The following PGBD1 variants were observed in gnomAD, a reference collection of about 807,000 sequenced individuals.
PGBD1 encodes the protein piggyBac transposable element-derived protein 1.
In PGBD1, 25 loss-of-function variants were observed where a neutral mutation model predicts 34.7. The observed-to-expected ratio is 0.72, with a 90% CI of 0.52 to 1.00. PGBD1 has a LOEUF of 1.00. PGBD1 is among the 50% of genes least tolerant of loss of function. PGBD1 has a pLI of 0.00. For missense variants in PGBD1, 830 were observed against 959.4 expected, an observed-to-expected ratio of 0.87 and a Z score of 1.78; for synonymous variants, 292 against 335.7, an observed-to-expected ratio of 0.87 and a Z score of 1.42.
Position 28,301,982 on chromosome 6 carries a change from G to T in PGBD1, c.2128G>T (p.Val710Leu). ...TGTGGGCATAGAACCAGTCAATGAGGTAAGCTGTTGTGATGCTGATAACGA... is the reference window on the plus strand; with the variant it reads ...TGTGGGCATAGAACCAGTCAATGAGTTAAGCTGTTGTGATGCTGATAACGA... ...NAVGIEPVNE[V>L]SCCDADNEEI... The change falls in exon 7 of 7, where the codon GTA becomes TTA. Residue 710 changes from valine (V) to leucine (L), a missense_variant. Transcript: ENST00000682144. 5 of 1,614,200 alleles carry T rather than the reference G, an allele frequency of 3.1e-6. No homozygotes were observed. The highest frequency in any genetic ancestry group is 4.2e-6 in the Non-Finnish European group (5 of 1,180,034).
In PGBD1 at chr6:28,302,160, T is replaced by C; in HGVS notation, c.2306T>C (p.Val769Ala). Reference sequence around the variant, plus strand: ...ATTTTGGTGAGCTACATGATTGATGTAGCCATGAACAATGCATGGCAACTA... The same window carrying C: ...ATTTTGGTGAGCTACATGATTGATGCAGCCATGAACAATGCATGGCAACTA... Reference protein sequence around the residue: ...YSILVSYMIDVAMNNAWQLHR... With the variant: ...YSILVSYMIDAAMNNAWQLHR... Residue 769 changes from valine to alanine, a missense_variant, in exon 7 of 7, where the codon GTA (valine) becomes GCA (alanine). By Grantham distance (64) the Val-to-Ala change is moderately conservative (BLOSUM62 0). This residue lies in a region of PGBD1 where 372 missense variants were observed against 427.9 expected (regional missense o/e 0.87). Transcript: ENST00000682144. The C allele has an allele frequency of 6.2e-7, 1 of 1,614,158 alleles. No individual in the cohort carries two copies. Among genetic ancestry groups the C allele is most frequent in the South Asian group, 1.1e-5 (1 of 91,086 alleles).
intron 2 of PGBD1, among the ~76,000 whole-genome samples, chr6:28,284,907 A>G (rs1032225023): frequency 1.3e-5 from 2 of 152,216 alleles, no homozygotes; most frequent in African/African-American, 4.8e-5. Context: ...AACTTACGAT[A>G]CTATCATATA....
intron 4 of PGBD1, among the ~76,000 whole-genome samples, chr6:28,292,954 C>G (rs933402774): frequency 1.3e-5 from 2 of 151,700 alleles, no homozygotes; most frequent in African/African-American, 4.8e-5. Context: ...TTTTCTTTTT[C>G]TTTCTTTTTG....
At chr6:28,283,608 T>C in intron 1 of PGBD1, 168 bp from the exon 2 acceptor site, 1 of 560,226 alleles carries the variant, frequency 1.8e-6, no homozygotes, top group Non-Finnish European at 3.0e-6. Flanking sequence ...TAGTTCAAAA[T>C]ATACTTCTGA....
At chr6:28,298,694 G>A (rs1762732226) in intron 6 of PGBD1, among the ~76,000 whole-genome samples, 2 of 152,138 alleles carry the variant, frequency 1.3e-5, no homozygotes, top group African/African-American at 4.8e-5. Flanking sequence ...TGACAGTGGT[G>A]TGTGCTTCAT....
At chr6:28,287,671 T>G (rs936332227) in intron 4 of PGBD1, among the ~76,000 whole-genome samples, 12 of 152,170 alleles carry the variant, frequency 7.9e-5, no homozygotes, top group African/African-American at 2.9e-4. Context: ...AGTGGTTCAT[T>G]CATTTTCCTA....
chr6:28,288,623 TG>T (rs199521383), intron 4 of PGBD1, among the ~76,000 whole-genome samples: 1,724 of 152,062 alleles, frequency 0.011, 39 homozygotes, highest in Non-Finnish European at 0.011. Context: ...TGGGAGGCCA[TG>T]GCAGGAGGAT....
In PGBD1 at chr6:28,302,483, A is replaced by G; in HGVS notation, c.*199A>G. 3.5e-6 allele frequency: 2 copies of G among 567,782 alleles called. No homozygotes were observed. Among genetic ancestry groups the G allele is most frequent in the South Asian group, 6.0e-5 (2 of 33,324 alleles). The allele number at this position is 567,782 out of a possible 1,614,324, so 35.2% of individuals were successfully genotyped here. ...TAAAAATTGTCTGTGAGAATGTTGA[A>G]CTGTAGTACCTTTCTCTATGTCAAG... On this transcript the variant is annotated 3_prime_UTR_variant, in exon 7 of 7. Coordinates refer to ENST00000682144, the MANE Select transcript of PGBD1 (RefSeq NM_032507.4).
chr6:28,285,489 C>T, intron 2 of PGBD1, 62 bp from the exon 3 acceptor site: 1 of 1,532,050 alleles, frequency 6.5e-7, no homozygotes. Flanking sequence ...TAGAACAGTG[C>T]CAGGCTCTTA....
intron 2 of PGBD1, 147 bp downstream of exon 2, chr6:28,284,356 G>T (rs1581627393): frequency 1.0e-6 from 1 of 969,258 alleles, no homozygotes; most frequent in South Asian, 2.5e-5. Context: ...ATCCAAATTT[G>T]CCAGTTGTTA....
chr6:28,292,561 C>T (rs1581634218), intron 4 of PGBD1, among the ~76,000 whole-genome samples: 1 of 151,942 alleles, frequency 6.6e-6, no homozygotes, highest in East Asian at 1.9e-4. Flanking sequence ...AAAGATATTC[C>T]ATTCTAATGG....
In PGBD1 at chr6:28,302,020, G is replaced by A. The variant is rs756257211; in HGVS notation, c.2166G>A (p.Gln722=). The change falls in exon 7 of 7, where the codon CAG becomes CAA. Residue 722 remains glutamine (Q), a synonymous_variant. Coordinates refer to ENST00000682144, the MANE Select transcript of PGBD1 (RefSeq NM_032507.4). ...ATGCTGATAACGAAGAAATCCCTCA[G>A]ATAAGTCAACCATCCATAGTAAAAG... ...CCDADNEEIP[Q]ISQPSIVKVY... is the part of the protein sequence containing the mutation. 6.2e-7 allele frequency: 1 copy of A among 1,614,074 alleles called. No individual in the cohort carries two copies. The highest frequency in any genetic ancestry group is 2.2e-5 in the East Asian group (1 of 44,896).
chr6:28,297,816 G>GTTTTTTTT (rs368634720), intron 5 of PGBD1, 79 bp from the exon 6 acceptor site: 5 of 350,504 alleles, frequency 1.4e-5, no homozygotes, highest in South Asian at 3.0e-5. Flanking sequence ...TACCCTGGAA[G>GTTTTTTTT]TTTTTTTTTT....
intron 4 of PGBD1, 57 bp from the exon 5 acceptor site, chr6:28,296,757 CAA>C: frequency 6.3e-7 from 1 of 1,596,884 alleles, no homozygotes; most frequent in Non-Finnish European, 8.5e-7. Flanking sequence ...ACACCCTTCA[CAA>C]CTGGATTCCT....
Position 28,301,981 on chromosome 6 carries a change from G to A in PGBD1, c.2127G>A (p.Glu709=), listed in dbSNP as rs1561893912. The stretch of plus-strand genomic sequence containing the variant: ...CTGTGGGCATAGAACCAGTCAATGA[G>A]GTAAGCTGTTGTGATGCTGATAACG... The part of the protein sequence containing the change: ...SNAVGIEPVN[E]VSCCDADNEE... Residue 709 remains glutamate, a synonymous_variant, in exon 7 of 7, where the codon GAG becomes GAA. Coordinates refer to ENST00000682144, the MANE Select transcript of PGBD1 (RefSeq NM_032507.4). 4.3e-6 allele frequency: 7 copies of A among 1,614,172 alleles called. No homozygotes were observed. Among genetic ancestry groups the A allele is most frequent in the Non-Finnish European group, 5.1e-6 (6 of 1,180,032 alleles).
chr6:28,283,819 T>C lies in PGBD1; in HGVS notation c.6T>C (p.Tyr2=), dbSNP rs759671059. Residue 2 remains tyrosine (Y), a synonymous_variant, in exon 2 of 7, where the codon TAT becomes TAC. Coordinates refer to ENST00000682144, the MANE Select transcript of PGBD1 (RefSeq NM_032507.4). ...CTTTAGCCTCTAAGCTCAACATGTA[T>C]GAAGCTTTGCCAGGCCCTGCTCCTG... The part of the protein sequence containing the change: M[Y]EALPGPAPEN... 7 of 1,593,702 alleles carry C rather than the reference T, an allele frequency of 4.4e-6. No homozygotes were observed. The highest frequency in any genetic ancestry group is 6.0e-6 in the Non-Finnish European group (7 of 1,166,872).
At chr6:28,298,306 G>A (rs1296932261) in intron 6 of PGBD1, among the ~76,000 whole-genome samples, 2 of 152,080 alleles carry the variant, frequency 1.3e-5, no homozygotes, top group Non-Finnish European at 2.9e-5. Context: ...CTAGAAGGCA[G>A]ATAATTTAAC....
intron 4 of PGBD1, among the ~76,000 whole-genome samples, chr6:28,296,057 C>A (rs1165108943): frequency 6.6e-6 from 1 of 152,118 alleles, no homozygotes; most frequent in Non-Finnish European, 1.5e-5. Context: ...GCTAATGAAA[C>A]CATGTGGTAG....
chr6:28,284,472 A>G (rs1218144399), intron 2 of PGBD1, among the ~76,000 whole-genome samples: 1 of 151,906 alleles, frequency 6.6e-6, no homozygotes, highest in East Asian at 1.9e-4. Context: ...ATACATACAC[A>G]TATGCAGTAT....
Sources: allele counts gnomAD v4.1 joint callset (sites outside exome capture counted in the v4.1 genomes callset), GRCh38; gene constraint gnomAD v4.1.1; regional missense constraint gnomAD v4.1.1; transcripts MANE v1.5; gene names NCBI Gene and HGNC (gene_info 2026-07-23, HGNC 2026-07-21).